SLA: variants seen among roughly 807,000 people sequenced by gnomAD.
The protein encoded by SLA is Src like adaptor.
A neutral mutation model predicts 30.3 loss-of-function variants in SLA; 16 were observed. The observed-to-expected ratio is 0.53, with a 90% CI of 0.36 to 0.80. The LOEUF (loss-of-function observed/expected upper bound fraction) is 0.80. SLA is among the 30% of genes least tolerant of loss of function. The probability of loss-of-function intolerance (pLI) is 0.01; values close to 1 mark genes in which losing one functional copy is unlikely to be tolerated. For synonymous variants in SLA, 143 were observed against 137.8 expected, an observed-to-expected ratio of 1.04 and a Z score of -0.26; for missense variants, 310 against 345.2, an observed-to-expected ratio of 0.90 and a Z score of 0.81.
intron 1 of SLA, among the ~76,000 whole-genome samples, chr8:133,095,906 T>C (rs1284423953): frequency 6.6e-6 from 1 of 152,144 alleles, no homozygotes; most frequent in East Asian, 1.9e-4. Flanking sequence ...TCAACCACTG[T>C]CTCCTCCTGC....
intron 1 of SLA, among the ~76,000 whole-genome samples, chr8:133,081,691 C>T (rs1845776170): frequency 6.6e-6 from 1 of 151,826 alleles, no homozygotes; most frequent in South Asian, 2.1e-4. Context: ...ATTGCTCAAC[C>T]TAGACCCACT....
At chr8:133,079,438 C>A (rs907613323) in intron 1 of SLA, among the ~76,000 whole-genome samples, 4 of 152,198 alleles carry the variant, frequency 2.6e-5, no homozygotes, top group Non-Finnish European at 5.9e-5. Flanking sequence ...GCTTTACATA[C>A]TTCACGTTGT....
intron 1 of SLA, among the ~76,000 whole-genome samples, chr8:133,080,837 A>G (rs1007121890): frequency 6.6e-6 from 1 of 152,204 alleles, no homozygotes; most frequent in Non-Finnish European, 1.5e-5. Flanking sequence ...GGCATGGGGC[A>G]GGTCCCTTCA....
rs2739158 is a variant in SLA, at chr8:133,074,842, T to C, written c.-41+11A>G. Reference sequence around the variant, plus strand: ...TCCCCACCCCATCTCTGCCACATACTCCCAAAATACCTTCACACACTGGGC... The same window carrying C: ...TCCCCACCCCATCTCTGCCACATACCCCCAAAATACCTTCACACACTGGGC... On this transcript the variant is annotated intron_variant, in intron 2 of 8. Transcript: ENST00000338087. The C allele has an allele frequency of 0.79, 780,964 of 984,500 alleles. 309,996 individuals are homozygous for C. The highest frequency in any genetic ancestry group is 0.85 in the Admixed American group (13,764 of 16,268). The allele number at this position is 984,500 out of a possible 1,614,324, so 61.0% of individuals were successfully genotyped here. A position where few individuals can be genotyped will look rare whatever the true frequency, so the allele number is the denominator to read the frequency against.
chr8:133,072,673 G>C (rs1475873303), intron 2 of SLA, among the ~76,000 whole-genome samples: 2 of 152,188 alleles, frequency 1.3e-5, no homozygotes, highest in East Asian at 3.9e-4. Context: ...CACTGATTTA[G>C]GTGCACTAGA....
intron 1 of SLA, among the ~76,000 whole-genome samples, chr8:133,079,224 A>G (rs938419995): frequency 7.9e-5 from 12 of 152,352 alleles, no homozygotes; most frequent in African/African-American, 2.6e-4. Context: ...GGACTCAAAA[A>G]GACACCCAGT....
chr8:133,050,310 T>C (rs1052084914), intron 4 of SLA: 2 of 379,790 alleles, frequency 5.3e-6, no homozygotes, highest in Admixed American at 3.8e-5. Context: ...TGATTTATGC[T>C]CTGCAGTATA....
intron 3 of SLA, among the ~76,000 whole-genome samples, chr8:133,058,489 C>T (rs1056495229): frequency 8.5e-5 from 13 of 152,204 alleles, no homozygotes; most frequent in African/African-American, 2.2e-4. Context: ...TCATGAGGTT[C>T]GCTCAAGCAT....
At chr8:133,069,447 C>G (rs145570852) in intron 2 of SLA, among the ~76,000 whole-genome samples, 1 of 152,310 alleles carries the variant, frequency 6.6e-6, no homozygotes, top group Non-Finnish European at 1.5e-5. Context: ...GGGGCTTGGT[C>G]TCTCTAAAGA....
chr8:133,055,363 GCGCACACACACACACACACACA>G lies in SLA; in HGVS notation c.62-4470_62-4449del, dbSNP rs1179064522. Reference sequence around the variant, plus strand: ...ATCTTCAGGACACACACACGCACGCGCGCACACACACACACACACACACACACACACACACACACACACAGGA... The same window carrying G: ...ATCTTCAGGACACACACACGCACGCGCACACACACACACACACACACAGGA... On this transcript the variant is annotated intron_variant, in intron 3 of 8. Transcript: ENST00000338087. Among the ~76,000 whole-genome samples, 9 of 32,020 alleles carry G rather than the reference GCGCACACACACACACACACACA, an allele frequency of 2.8e-4. No homozygotes were observed. The East Asian group carries it at 4.2e-3, about 15-fold the overall frequency. 21.0% of individuals were successfully genotyped at this position (32,020 alleles called of 152,430 possible). A position where few individuals can be genotyped will look rare whatever the true frequency, so the allele number is the denominator to read the frequency against.
At chr8:133,061,422 A>G (rs1233727797) in intron 2 of SLA, among the ~76,000 whole-genome samples, 2 of 152,008 alleles carry the variant, frequency 1.3e-5, no homozygotes, top group African/African-American at 4.8e-5. Context: ...GTGGCGTGGC[A>G]TAGAATACAT....
chr8:133,085,152 T>C (rs745801673), intron 1 of SLA, among the ~76,000 whole-genome samples: 1 of 152,198 alleles, frequency 6.6e-6, no homozygotes, highest in Non-Finnish European at 1.5e-5. Context: ...GATTTAAGCT[T>C]GCAAGTATAA....
intron 1 of SLA, chr8:133,076,758 G>GTAAA (rs1844932463): frequency 3.3e-4 from 17 of 51,042 alleles, no homozygotes; most frequent in Admixed American, 2.9e-3. Context: ...GGATTTAGCT[G>GTAAA]TAAAAAAAAA....
At chr8:133,042,969 C>G (rs1838595974) in intron 7 of SLA, among the ~76,000 whole-genome samples, 1 of 145,824 alleles carries the variant, frequency 6.9e-6, no homozygotes, top group African/African-American at 2.4e-5. Context: ...GCTGGAATTA[C>G]AGGCATGACC....
At chr8:133,095,677 A>G (rs1015083183) in intron 1 of SLA, among the ~76,000 whole-genome samples, 2 of 152,178 alleles carry the variant, frequency 1.3e-5, no homozygotes, top group African/African-American at 2.4e-5. Context: ...TAGCATGCAA[A>G]GTTCTTGCTT....
At chr8:133,063,239 T>G (rs1842631024) in intron 2 of SLA, among the ~76,000 whole-genome samples, 1 of 151,520 alleles carries the variant, frequency 6.6e-6, no homozygotes, top group South Asian at 2.1e-4. Context: ...CCCCATAAGT[T>G]CCACCCCTCC....
At chr8:133,048,484 G>C (rs1048771698) in intron 5 of SLA, 1 of 155,712 alleles carries the variant, frequency 6.4e-6, no homozygotes. Context: ...GACTTCCAAA[G>C]TGCTGGGATT....
In SLA at chr8:133,040,030, A is replaced by G. The variant is rs1837911533; in HGVS notation, c.585T>C (p.Arg195=). 5 of 1,551,892 alleles carry G rather than the reference A, an allele frequency of 3.2e-6. No individual in the cohort carries two copies. The highest frequency in any genetic ancestry group is 4.4e-6 in the Non-Finnish European group (5 of 1,147,088). ...VRASSSPVTL[R]QKTVDWRRVS... ...CTCTCCTCCAGTCCACAGTCTTCTG[A>G]CGCAAGGTGACAGGTGAGCTGGAGG... Residue 195 remains arginine, a synonymous_variant, in exon 8 of 9, where the codon CGT becomes CGC. Coordinates refer to ENST00000338087, the MANE Select transcript of SLA (RefSeq NM_001045556.3).
intron 3 of SLA, among the ~76,000 whole-genome samples, chr8:133,052,646 A>G (rs146022083): frequency 1.3e-5 from 2 of 152,356 alleles, no homozygotes; most frequent in African/African-American, 4.8e-5. Context: ...GTTTGAAGCC[A>G]GAAGTCCCAA....
Sources: allele counts gnomAD v4.1 joint callset (sites outside exome capture counted in the v4.1 genomes callset), GRCh38; gene constraint gnomAD v4.1.1; transcripts MANE v1.5; gene names NCBI Gene and HGNC (gene_info 2026-07-23, HGNC 2026-07-21).